NECTIN3: variants seen among roughly 807,000 people sequenced by gnomAD.
NECTIN3 encodes nectin-3.
NECTIN3 carries 8 observed loss-of-function variants against 49.4 expected under a neutral mutation model. That is an observed-to-expected ratio of 0.16 (90% CI 0.10 to 0.29). NECTIN3 has a LOEUF of 0.29. Ranked by LOEUF, NECTIN3 falls within the 10% of genes least tolerant of loss-of-function variation. The pLI is 1.00. For synonymous variants in NECTIN3, 277 were observed against 241.1 expected (o/e 1.15, Z -1.38); for missense variants, 581 against 654.6 (o/e 0.89, Z 1.23).
At chr3:111,078,515 G>A (rs1239844703) in intron 1 of NECTIN3, among the ~76,000 whole-genome samples, 1 of 152,136 alleles carries the variant, frequency 6.6e-6, no homozygotes, top group Admixed American at 6.5e-5. Context: ...TTAACAATGT[G>A]AATTAGTTTA....
At chr3:111,189,204 G>A (rs1307133640), upstream of NECTIN3, among the ~76,000 whole-genome samples, 1 of 152,142 alleles carries the variant, frequency 6.6e-6, no homozygotes, top group East Asian at 1.9e-4. Flanking sequence ...TTTCCTTCTA[G>A]AAGTGTCAGA....
chr3:111,094,468 A>G (rs1042866645), intron 1 of NECTIN3, among the ~76,000 whole-genome samples: 8 of 152,176 alleles, frequency 5.3e-5, no homozygotes, highest in African/African-American at 1.4e-4. Context: ...GCTGTCTTTC[A>G]TAAAAGATAC....
chr3:111,160,522 TAA>T, intron 7 of NECTIN3, among the ~76,000 whole-genome samples: 1 of 152,354 alleles, frequency 6.6e-6, no homozygotes, highest in African/African-American at 2.4e-5. Flanking sequence ...AAATCAGTTA[TAA>T]GACAGTATCT....
intron 7 of NECTIN3, among the ~76,000 whole-genome samples, chr3:111,174,852 C>A (rs1364133487): frequency 6.6e-6 from 1 of 152,176 alleles, no homozygotes; most frequent in Non-Finnish European, 1.5e-5. Flanking sequence ...TCAGTGGACC[C>A]TCTGCCTTTC....
intron 1 of NECTIN3, among the ~76,000 whole-genome samples, chr3:111,086,423 A>G (rs2031932877): frequency 6.6e-6 from 1 of 152,164 alleles, no homozygotes. Context: ...ACTGTAGTAC[A>G]TCTAAAATTT....
chr3:111,154,778 G>C (rs1020829235), intron 7 of NECTIN3, among the ~76,000 whole-genome samples: 1 of 152,006 alleles, frequency 6.6e-6, no homozygotes, highest in African/African-American at 2.4e-5. Context: ...TTTGTCATCA[G>C]TTTATATTCT....
intron 5 of NECTIN3, among the ~76,000 whole-genome samples, chr3:111,143,727 TTA>T (rs1301687115): frequency 6.6e-6 from 1 of 151,878 alleles, no homozygotes; most frequent in African/African-American, 2.4e-5. Flanking sequence ...TTAGTCGGCG[TTA>T]TATATGTTAA....
At chr3:111,108,526 A>G (rs1436289369) in intron 1 of NECTIN3, among the ~76,000 whole-genome samples, 1 of 152,080 alleles carries the variant, frequency 6.6e-6, no homozygotes, top group African/African-American at 2.4e-5. Context: ...GTCTTAGTCA[A>G]CTTGGGGTGT....
In NECTIN3 at chr3:111,134,790, A is replaced by G; in HGVS notation, c.*575A>G. 1.0e-6 allele frequency: 1 copy of G among 979,178 alleles called. No individual in the cohort carries two copies. The highest frequency in any genetic ancestry group is 1.2e-6 in the Non-Finnish European group (1 of 824,336). The allele number at this position is 979,178 out of a possible 1,614,324, so 60.7% of individuals were successfully genotyped here. On this transcript the variant is annotated 3_prime_UTR_variant, in exon 6 of 6. Transcript: ENST00000485303. ...ATACAAATGAAATCTTTACCTCTGC[A>G]TATTAATGAGCCTTGCCATAATTAC...
downstream of NECTIN3, among the ~76,000 whole-genome samples, chr3:111,139,597 G>A (rs2034689304): frequency 6.6e-6 from 1 of 151,716 alleles, no homozygotes; most frequent in Admixed American, 6.6e-5. Context: ...GCCATTTGGT[G>A]CTCGATGCCT....
chr3:111,185,234 A>C (rs2035697401), intron 7 of NECTIN3, among the ~76,000 whole-genome samples: 1 of 152,172 alleles, frequency 6.6e-6, no homozygotes, highest in Non-Finnish European at 1.5e-5. Context: ...CCAGTTCAGC[A>C]AGATCCTGTG....
chr3:111,156,413 A>G (rs1032110914), intron 7 of NECTIN3, among the ~76,000 whole-genome samples: 5 of 152,216 alleles, frequency 3.3e-5, no homozygotes, highest in African/African-American at 9.6e-5. Context: ...AAAAAAGACC[A>G]TAACTCTTTA....
rs896468159 is a variant in NECTIN3, at chr3:111,137,409, C to T, written c.*3194C>T. 8.5e-6 allele frequency: 8 copies of T among 946,084 alleles called. No homozygotes were observed. The highest frequency in any genetic ancestry group is 2.4e-4 in the East Asian group (2 of 8,496). The allele number at this position is 946,084 out of a possible 1,614,324, so 58.6% of individuals were successfully genotyped here. A position where few individuals can be genotyped will look rare whatever the true frequency, so the allele number is the denominator to read the frequency against. On this transcript the variant is annotated 3_prime_UTR_variant, in exon 6 of 6. Transcript: ENST00000485303. ...GTGTTTGGGTTTTAGTTTGTACCCG[C>T]GCTAAGTTTTGGTTTTGTTGTGTTT...
chr3:111,089,266 A>G (rs1473202398), intron 1 of NECTIN3, among the ~76,000 whole-genome samples: 1 of 151,508 alleles, frequency 6.6e-6, no homozygotes, highest in Non-Finnish European at 1.5e-5. Flanking sequence ...TGTTGATTCT[A>G]TTTTATGTTT....
At chr3:111,127,520 T>A (rs2034214383) in intron 5 of NECTIN3, among the ~76,000 whole-genome samples, 1 of 145,788 alleles carries the variant, frequency 6.9e-6, no homozygotes, top group Admixed American at 6.9e-5. Flanking sequence ...GCTGTATACA[T>A]CCCTAGCCCT....
chr3:111,072,721 C>T (rs2030875885), intron 1 of NECTIN3: 2 of 778,290 alleles, frequency 2.6e-6, no homozygotes, highest in Non-Finnish European at 4.0e-6. Flanking sequence ...GCCCACTCCC[C>T]CGGCTCTGCC....
intron 7 of NECTIN3, among the ~76,000 whole-genome samples, chr3:111,178,869 T>C (rs149576369): frequency 5.6e-4 from 85 of 152,336 alleles, no homozygotes; most frequent in African/African-American, 1.9e-3. Flanking sequence ...CTTGGAACCA[T>C]TGCTCAATCA....
At chr3:111,159,270 T>C (rs752199153) in intron 7 of NECTIN3, among the ~76,000 whole-genome samples, 4 of 152,156 alleles carry the variant, frequency 2.6e-5, no homozygotes, top group African/African-American at 9.7e-5. Context: ...ACACCAATAT[T>C]GTCCTGAGGG....
At chr3:111,175,343 T>G (rs2035507743) in intron 7 of NECTIN3, among the ~76,000 whole-genome samples, 1 of 151,738 alleles carries the variant, frequency 6.6e-6, no homozygotes. Flanking sequence ...TCTCCAGGCT[T>G]GAGGGTGGGA....
Sources: allele counts gnomAD v4.1 joint callset (sites outside exome capture counted in the v4.1 genomes callset), GRCh38; gene constraint gnomAD v4.1.1; transcripts MANE v1.5; gene names NCBI Gene and HGNC (gene_info 2026-07-23, HGNC 2026-07-21).